RPS19: variants seen among roughly 807,000 people sequenced by gnomAD.
RPS19 encodes small ribosomal subunit protein eS19.
In RPS19, 1 loss-of-function variant was observed where a neutral mutation model predicts 20.3. The observed-to-expected ratio is 0.05, with a 90% confidence interval of 0.02 to 0.23. The LOEUF is 0.23. Ranked by LOEUF, RPS19 falls within the 10% of genes least tolerant of loss-of-function variation. The pLI, the probability that RPS19 is intolerant of heterozygous loss-of-function variation, is 1.00. For missense variants in RPS19, 111 were observed against 192.7 expected, an observed-to-expected ratio of 0.58 and a Z score of 2.51; for synonymous variants, 87 against 74.8, an observed-to-expected ratio of 1.16 and a Z score of -0.84.
chr19:41,868,795 AAAG>A (rs1172203496), intron 3 of RPS19, among the ~76,000 whole-genome samples: 1 of 151,830 alleles, frequency 6.6e-6, no homozygotes, highest in Admixed American at 6.6e-5. Context: ...AGTAACCACT[AAAG>A]AAGTTGGCCC....
chr19:41,869,022 T>C lies in RPS19; in HGVS notation c.173-9T>C, dbSNP rs782552614. 4 of 1,613,446 alleles carry C rather than the reference T, an allele frequency of 2.5e-6. No homozygotes were observed. Among genetic ancestry groups the C allele is most frequent in the East Asian group, 4.5e-5 (2 of 44,866 alleles). ...AGACCCTTAAATCTCCCTCTCACACTACCCCCAGCTTCCACAGCGCGGCAC... is the reference window on the plus strand; with the variant it reads ...AGACCCTTAAATCTCCCTCTCACACCACCCCCAGCTTCCACAGCGCGGCAC... On this transcript the variant is annotated splice_polypyrimidine_tract_variant and intron_variant, in intron 3 of 5. Transcript: ENST00000598742.
chr19:41,861,303 G>T (rs782659298), intron 3 of RPS19, 91 bp downstream of exon 3: 11 of 916,864 alleles, frequency 1.2e-5, no homozygotes, highest in Admixed American at 3.8e-5. Flanking sequence ...GCTCTTTCCC[G>T]CCCCAAGAGG....
intron 2 of RPS19, 57 bp downstream of exon 2, chr19:41,860,902 T>C: frequency 1.4e-6 from 2 of 1,476,094 alleles, no homozygotes; most frequent in Non-Finnish European, 1.9e-6. Flanking sequence ...GGCCTGCCCA[T>C]CTGAGCCCCA....
At chr19:41,860,651 G>T in intron 1 of RPS19, 124 bp from the exon 2 acceptor site, 5 of 821,280 alleles carry the variant, frequency 6.1e-6, no homozygotes, top group Non-Finnish European at 8.6e-6. Flanking sequence ...TGAAGGGGCC[G>T]TGGGAAGTAA....
intron 3 of RPS19, chr19:41,861,437 A>G: frequency 1.7e-6 from 1 of 571,502 alleles, no homozygotes; most frequent in Non-Finnish European, 3.1e-6. Context: ...TTTGAGCCTC[A>G]GGGGAAACCA....
chr19:41,865,905 C>T (rs1267647959), intron 3 of RPS19, among the ~76,000 whole-genome samples: 7 of 137,982 alleles, frequency 5.1e-5, no homozygotes, highest in African/African-American at 1.7e-4. Context: ...GCTGAGATCA[C>T]GCCACTGCAC....
chr19:41,871,589 G>T lies in RPS19; in HGVS notation c.*212G>T. 1.8e-6 allele frequency: 1 copy of T among 559,728 alleles called. No homozygotes were observed. The highest frequency in any genetic ancestry group is 3.2e-6 in the Non-Finnish European group (1 of 311,810). The allele number at this position is 559,728 out of a possible 1,614,324, so 34.7% of individuals were successfully genotyped here. ...GAGCCACTGTGCCTGGTCTGGTTTG[G>T]GTCTCTTGATTGTTCTTCAGGGGCA... On this transcript the variant is annotated 3_prime_UTR_variant, in exon 6 of 6. Transcript: ENST00000598742.
In RPS19 at chr19:41,861,215, G is replaced by A. The variant is rs781926087; in HGVS notation, c.172+3G>A. 1 of 1,611,062 alleles carries A rather than the reference G, an allele frequency of 6.2e-7. No individual in the cohort carries two copies. The highest frequency in any genetic ancestry group is 8.5e-7 in the Non-Finnish European group (1 of 1,177,246). Reference sequence around the variant, plus strand: ...GAACTGGTTCTACACGCGAGCTGGTGAGGAACTTAGGTCTTTGGCTGGAGA... The same window carrying A: ...GAACTGGTTCTACACGCGAGCTGGTAAGGAACTTAGGTCTTTGGCTGGAGA... On this transcript the variant is annotated splice_donor_region_variant and intron_variant, in intron 3 of 5. Transcript: ENST00000598742.
chr19:41,871,439 G>T lies in RPS19; in HGVS notation c.*62G>T. 3.4e-6 allele frequency: 5 copies of T among 1,468,898 alleles called. No homozygotes were observed. The highest frequency in any genetic ancestry group is 4.8e-6 in the Non-Finnish European group (5 of 1,050,874). 91.0% of individuals were successfully genotyped at this position (1,468,898 alleles called of 1,614,324 possible). ...TAATCCTGGTCTGGGTCTCTTTTTT[G>T]AGTCTCTTGCTCTGTCGCCCAGGCT... On this transcript the variant is annotated 3_prime_UTR_variant, in exon 6 of 6. Coordinates refer to ENST00000598742, the MANE Select transcript of RPS19 (RefSeq NM_001022.4).
chr19:41,861,851 C>A (rs1457259519), intron 3 of RPS19, among the ~76,000 whole-genome samples: 1 of 152,212 alleles, frequency 6.6e-6, no homozygotes, highest in Admixed American at 6.5e-5. Context: ...ACCCTGCAAC[C>A]TCGTGCCAGC....
chr19:41,866,526 G>C (rs1555840592), intron 3 of RPS19, among the ~76,000 whole-genome samples: 2 of 152,214 alleles, frequency 1.3e-5, no homozygotes, highest in African/African-American at 4.8e-5. Context: ...TTACCAGGCA[G>C]TGGCGTAGGG....
intron 5 of RPS19, 100 bp from the exon 6 acceptor site, chr19:41,871,251 A>G: frequency 1.0e-6 from 1 of 979,200 alleles, no homozygotes; most frequent in Non-Finnish European, 1.7e-6. Flanking sequence ...GAAACCACAA[A>G]TCGGGGTGCC....
chr19:41,868,966 A>G, intron 3 of RPS19, 65 bp from the exon 4 acceptor site: 1 of 1,505,462 alleles, frequency 6.6e-7, no homozygotes, highest in Non-Finnish European at 9.2e-7. Context: ...CTGTTTACAC[A>G]CAAGGAATTG....
chr19:41,865,751 A>G (rs898070817), intron 3 of RPS19, among the ~76,000 whole-genome samples: 4 of 151,260 alleles, frequency 2.6e-5, no homozygotes, highest in African/African-American at 7.3e-5. Flanking sequence ...GATCGAGACC[A>G]TCCTGGCTAA....
intron 3 of RPS19, among the ~76,000 whole-genome samples, chr19:41,866,531 G>A (rs998576341): frequency 3.3e-5 from 5 of 152,188 alleles, no homozygotes; most frequent in East Asian, 1.9e-4. Flanking sequence ...AGGCAGTGGC[G>A]TAGGGGGTAG....
intron 5 of RPS19, among the ~76,000 whole-genome samples, chr19:41,870,845 CTTCCTTTTT>C (rs1423681718): frequency 4.4e-5 from 5 of 112,902 alleles, no homozygotes; most frequent in African/African-American, 1.6e-4. Context: ...CCGCCACTCC[CTTCCTTTTT>C]TTTTTTTTTT....
At chr19:41,862,860 C>T (rs1341937350) in intron 3 of RPS19, among the ~76,000 whole-genome samples, 1 of 152,098 alleles carries the variant, frequency 6.6e-6, no homozygotes, top group Non-Finnish European at 1.5e-5. Context: ...CTCACTTGCC[C>T]AGCTGTCCTA....
chr19:41,871,322 A>G lies in RPS19; in HGVS notation c.412-29A>G, dbSNP rs377584765. On this transcript the variant is annotated intron_variant, in intron 5 of 5. Coordinates refer to ENST00000598742, the MANE Select transcript of RPS19 (RefSeq NM_001022.4). ...TGCCCCAGCAGAGACCCCCTTGACTAACTTTTATTCTTCCATCTTTTCCCA... is the reference window on the plus strand; with the variant it reads ...TGCCCCAGCAGAGACCCCCTTGACTGACTTTTATTCTTCCATCTTTTCCCA... The G allele has an allele frequency of 4.6e-5, 74 of 1,612,728 alleles. No homozygotes were observed. In the African/African-American group the frequency reaches 8.4e-4, roughly 18 times the overall value.
At chr19:41,866,533 A>T (rs1028354817) in intron 3 of RPS19, among the ~76,000 whole-genome samples, 19 of 152,158 alleles carry the variant, frequency 1.2e-4, no homozygotes, top group African/African-American at 4.6e-4. Flanking sequence ...GCAGTGGCGT[A>T]GGGGGTAGGG....
Sources: gnomAD v4.1 joint callset for allele counts (sites outside exome capture counted in the v4.1 genomes callset) on GRCh38, gnomAD v4.1.1 for gene constraint, MANE v1.5 for transcripts, NCBI Gene and HGNC (gene_info 2026-07-23, HGNC 2026-07-21) for gene names.